CTNNA3: variants seen among roughly 807,000 people sequenced by gnomAD.
CTNNA3 encodes catenin alpha 3.
In CTNNA3, 76 loss-of-function variants were observed where a neutral mutation model predicts 95.7. That is an observed-to-expected ratio of 0.79 (90% CI 0.66 to 0.96). The LOEUF (loss-of-function observed/expected upper bound fraction) is 0.96, where lower values mean the gene tolerates loss of function less well. Among genes scored for constraint, CTNNA3 ranks in the 40% least tolerant of loss-of-function variants. The probability of loss-of-function intolerance (pLI) is 0.00; values close to 1 mark genes in which losing one functional copy is unlikely to be tolerated. For synonymous variants in CTNNA3, 431 were observed against 374.4 expected, an observed-to-expected ratio of 1.15 and a Z score of -1.74; for missense variants, 1,191 against 1,089.8, an observed-to-expected ratio of 1.09 and a Z score of -1.31.
At chr10:66,367,947 T>G (rs2092725720) in intron 12 of CTNNA3, among the ~76,000 whole-genome samples, 1 of 148,782 alleles carries the variant, frequency 6.7e-6, no homozygotes. Context: ...GCCCGCTGAC[T>G]TTGTATTCTA....
chr10:66,099,652 T>G (rs747231566), intron 14 of CTNNA3, among the ~76,000 whole-genome samples: 11 of 152,134 alleles, frequency 7.2e-5, no homozygotes, highest in Non-Finnish European at 1.2e-4. Flanking sequence ...GCAGATATAA[T>G]GTAAGGGGTG....
chr10:66,757,840 A>T (rs1839428838), intron 9 of CTNNA3, among the ~76,000 whole-genome samples: 1 of 152,118 alleles, frequency 6.6e-6, no homozygotes, highest in South Asian at 2.1e-4. Flanking sequence ...ACTTTTCCAT[A>T]TATTAGCTGT....
chr10:67,489,552 T>C (rs1180657911), intron 5 of CTNNA3, among the ~76,000 whole-genome samples: 1 of 152,094 alleles, frequency 6.6e-6, no homozygotes, highest in African/African-American at 2.4e-5. Context: ...GCCCACCTTC[T>C]CAGGGGCTTA....
chr10:66,577,112 G>C (rs1408505180), intron 10 of CTNNA3, among the ~76,000 whole-genome samples: 1 of 150,544 alleles, frequency 6.6e-6, no homozygotes, highest in Non-Finnish European at 1.5e-5. Flanking sequence ...GTATTTGTTG[G>C]CCACATGTAT....
At chr10:67,581,907 C>T (rs141188716) in intron 3 of CTNNA3, among the ~76,000 whole-genome samples, 3,631 of 152,060 alleles carry the variant, frequency 0.024, 59 homozygotes, top group Non-Finnish European at 0.037. Context: ...ATGATGATAT[C>T]CCCTTTATCA....
At chr10:67,004,350 A>G (rs2133001752) in intron 7 of CTNNA3, among the ~76,000 whole-genome samples, 1 of 152,350 alleles carries the variant, frequency 6.6e-6, no homozygotes, top group South Asian at 2.1e-4. Flanking sequence ...ATGTGAATCA[A>G]AAAATTAAAT....
intron 15 of CTNNA3, among the ~76,000 whole-genome samples, chr10:66,016,240 A>G (rs1453591561): frequency 6.6e-6 from 1 of 152,222 alleles, no homozygotes; most frequent in Non-Finnish European, 1.5e-5. Flanking sequence ...ACCAGCCAGA[A>G]GGCCTAGTAG....
chr10:66,677,490 A>C (rs560137402), intron 9 of CTNNA3, among the ~76,000 whole-genome samples: 3 of 152,076 alleles, frequency 2.0e-5, no homozygotes, highest in Non-Finnish European at 4.4e-5. Context: ...TCCCACCCAA[A>C]TCTCATCTTG....
chr10:66,271,977 C>T (rs529343128), intron 13 of CTNNA3, among the ~76,000 whole-genome samples: 1 of 152,260 alleles, frequency 6.6e-6, no homozygotes, highest in South Asian at 2.1e-4. Flanking sequence ...AAGAGGAGGG[C>T]CATTAAATGT....
chr10:67,751,453 T>A (rs1038949811), intron 1 of CTNNA3, among the ~76,000 whole-genome samples: 4 of 152,124 alleles, frequency 2.6e-5, no homozygotes, highest in Admixed American at 2.0e-4. Flanking sequence ...AATGACAGTT[T>A]TTTCCACTTA....
chr10:67,556,234 G>A (rs1841246242), intron 3 of CTNNA3, among the ~76,000 whole-genome samples: 1 of 152,158 alleles, frequency 6.6e-6, no homozygotes, highest in Admixed American at 6.5e-5. Context: ...TTGTGTCTCT[G>A]CCAGGCTTTG....
chr10:67,603,647 T>C (rs552280042), intron 3 of CTNNA3, among the ~76,000 whole-genome samples: 26 of 151,980 alleles, frequency 1.7e-4, no homozygotes, highest in Admixed American at 1.5e-3. Context: ...AAAAAACTTA[T>C]AGAATAAGGA....
intron 9 of CTNNA3, among the ~76,000 whole-genome samples, chr10:66,681,941 A>AGTCAAAATG (rs1324793444): frequency 3.0e-4 from 46 of 152,280 alleles, no homozygotes; most frequent in African/African-American, 1.1e-3. Flanking sequence ...TTTTGATCAC[A>AGTCAAAATG]GTCAAAATGG....
Position 66,117,871 on chromosome 10 carries a change from G to A in CTNNA3, c.1885-14622C>T, listed in dbSNP as rs550197258. On this transcript the variant is annotated intron_variant, in intron 13 of 17. Transcript: ENST00000433211. ...TATCCTAAGTAAGCCATAACACCAC[G>A]GAGCTGGTGTGTGTGGATATACAGT... 3.3e-5 allele frequency among the ~76,000 whole-genome samples: 5 copies of A among 152,232 alleles called. No homozygotes were observed. The South Asian group carries it at 6.2e-4, about 19-fold the overall frequency.
intron 5 of CTNNA3, among the ~76,000 whole-genome samples, chr10:67,243,266 AC>A (rs978165302): frequency 2.0e-5 from 3 of 151,562 alleles, no homozygotes; most frequent in Admixed American, 2.0e-4. Context: ...GACTTTTCCA[AC>A]CCCCCCAACC....
chr10:67,534,664 A>ATG (rs1458911532), intron 4 of CTNNA3, among the ~76,000 whole-genome samples: 1 of 152,160 alleles, frequency 6.6e-6, no homozygotes, highest in African/African-American at 2.4e-5. Context: ...AGGTTGGAGA[A>ATG]TGTGTGTATC....
chr10:67,275,327 T>A (rs945610373), intron 5 of CTNNA3, among the ~76,000 whole-genome samples: 2 of 152,182 alleles, frequency 1.3e-5, no homozygotes, highest in Non-Finnish European at 2.9e-5. Context: ...CTTGGCAGCA[T>A]GGCTTTGGAG....
chr10:66,330,688 C>T (rs1445933067), intron 12 of CTNNA3, among the ~76,000 whole-genome samples: 1 of 152,124 alleles, frequency 6.6e-6, no homozygotes, highest in Non-Finnish European at 1.5e-5. Flanking sequence ...GTCCCACCAA[C>T]AGTGTAAAAG....
intron 15 of CTNNA3, among the ~76,000 whole-genome samples, chr10:66,051,602 A>G (rs2079960717): frequency 6.6e-6 from 1 of 152,246 alleles, no homozygotes; most frequent in Non-Finnish European, 1.5e-5. Context: ...AAGCTATCTG[A>G]AGATAGTTTT....
Sources: gnomAD v4.1 joint callset for allele counts (sites outside exome capture counted in the v4.1 genomes callset) on GRCh38, gnomAD v4.1.1 for gene constraint, MANE v1.5 for transcripts, NCBI Gene and HGNC (gene_info 2026-07-23, HGNC 2026-07-21) for gene names.